Variants in LHFPL3 observed in about 807,000 individuals in gnomAD.
The protein encoded by LHFPL3 is LHFPL tetraspan subfamily member 3 protein.
LHFPL3 carries 5 observed loss-of-function variants against 19.3 expected under a neutral mutation model. That is an observed-to-expected ratio of 0.26 (90% confidence interval 0.14 to 0.54). The LOEUF (loss-of-function observed/expected upper bound fraction) is 0.54, where lower values mean the gene tolerates loss of function less well. LHFPL3 is among the 20% of genes least tolerant of loss of function. The pLI is 0.94. For missense variants in LHFPL3, 249 were observed against 307.4 expected, an observed-to-expected ratio of 0.81 and a Z score of 1.42; for synonymous variants, 133 against 126.2, an observed-to-expected ratio of 1.05 and a Z score of -0.36.
At chr7:104,869,737 C>T (rs1312042664) in intron 2 of LHFPL3, among the ~76,000 whole-genome samples, 2 of 152,204 alleles carry the variant, frequency 1.3e-5, no homozygotes, top group Non-Finnish European at 2.9e-5. Flanking sequence ...CATGCCATTA[C>T]TGGGTACATA....
At chr7:104,663,091 A>G (rs1584467517) in intron 1 of LHFPL3, among the ~76,000 whole-genome samples, 1 of 152,244 alleles carries the variant, frequency 6.6e-6, no homozygotes, top group Non-Finnish European at 1.5e-5. Context: ...TTCACTATGT[A>G]AAATAAAACA....
chr7:104,907,160 T>C lies in LHFPL3; in HGVS notation c.*945T>C, dbSNP rs1416586205. 6.6e-6 allele frequency: 1 copy of C among 152,598 alleles called. No individual in the cohort carries two copies. Among genetic ancestry groups the C allele is most frequent in the African/African-American group, 2.4e-5 (1 of 41,460 alleles). The allele number at this position is 152,598 out of a possible 1,614,324, so 9.5% of individuals were successfully genotyped here. ...AATAAGTATCTAAAATGTCTCCTACTTTTTTCCTATTTCTTTGCCATACAT... is the reference window on the plus strand; with the variant it reads ...AATAAGTATCTAAAATGTCTCCTACCTTTTTCCTATTTCTTTGCCATACAT... On this transcript the variant is annotated 3_prime_UTR_variant, in exon 3 of 3. Coordinates refer to ENST00000424859, the MANE Select transcript of LHFPL3 (RefSeq NM_199000.3).
At chr7:104,640,235 C>T (rs1409712449) in intron 1 of LHFPL3, among the ~76,000 whole-genome samples, 4 of 152,170 alleles carry the variant, frequency 2.6e-5, no homozygotes, top group African/African-American at 9.7e-5. Flanking sequence ...TTAAGCTCTG[C>T]ATGCATTAGG....
At chr7:104,329,418 G>T (rs1256564639) in intron 1 of LHFPL3, among the ~76,000 whole-genome samples, 194 bp downstream of exon 1, 1 of 152,230 alleles carries the variant, frequency 6.6e-6, no homozygotes, top group Non-Finnish European at 1.5e-5. Flanking sequence ...CGGCGCTGGC[G>T]CCTCGTCCCG....
intron 1 of LHFPL3, among the ~76,000 whole-genome samples, chr7:104,573,216 C>T (rs905020779): frequency 9.9e-5 from 15 of 152,060 alleles, no homozygotes; most frequent in Admixed American, 7.9e-4. Flanking sequence ...AGTGCAAGAC[C>T]AGCCTGGCCA....
chr7:104,328,676 G>A lies in LHFPL3; in HGVS notation c.-104G>A. On this transcript the variant is annotated 5_prime_UTR_variant, in exon 1 of 3. Transcript: ENST00000424859. This position sits in a 1 kb window ranked among gnomAD's most constrained non-coding sequence, Gnocchi z 4.6. ...TGCTGCTGGGCTGAGGCGGAGGCAG[G>A]GGAGTTGCAGCGCGCGAGGCTCCGT... The A allele has an allele frequency of 2.1e-6, 2 of 972,496 alleles. No individual in the cohort carries two copies. Among genetic ancestry groups the A allele is most frequent in the Non-Finnish European group, 3.1e-6 (2 of 650,556 alleles). 60.2% of individuals were successfully genotyped at this position (972,496 alleles called of 1,614,324 possible). A position where few individuals can be genotyped will look rare whatever the true frequency, so the allele number is the denominator to read the frequency against.
At chr7:104,724,585 G>A (rs1244747131) in intron 1 of LHFPL3, among the ~76,000 whole-genome samples, 6 of 152,054 alleles carry the variant, frequency 3.9e-5, no homozygotes, top group East Asian at 1.9e-4. Flanking sequence ...ACAGTGGAAC[G>A]ACACACACTG....
chr7:104,559,580 G>A (rs1229561415), intron 1 of LHFPL3, among the ~76,000 whole-genome samples: 1 of 152,000 alleles, frequency 6.6e-6, no homozygotes, highest in Non-Finnish European at 1.5e-5. Context: ...GAGATTTTGG[G>A]CTGAGACGAT....
intron 1 of LHFPL3, among the ~76,000 whole-genome samples, chr7:104,638,491 G>C (rs999183144): frequency 6.6e-6 from 1 of 152,016 alleles, no homozygotes. Context: ...AATGCTTCCA[G>C]CTTTTCCCCA....
chr7:104,657,972 T>C (rs1251169715), intron 1 of LHFPL3, among the ~76,000 whole-genome samples: 1 of 151,964 alleles, frequency 6.6e-6, no homozygotes, highest in Non-Finnish European at 1.5e-5. Context: ...TATTTTTCCA[T>C]AGATACCAGC....
chr7:104,641,894 T>TG (rs1338957533), intron 1 of LHFPL3, among the ~76,000 whole-genome samples: 3 of 152,190 alleles, frequency 2.0e-5, no homozygotes, highest in Non-Finnish European at 4.4e-5. Context: ...TTTTCATGGA[T>TG]GTGATAGGTA....
rs187934396 is a variant in LHFPL3, at chr7:104,794,079, G to A, written c.682+57168G>A. Among the ~76,000 whole-genome samples, 872 of 152,060 alleles carry A rather than the reference G, an allele frequency of 5.7e-3. 3 individuals are homozygous for A. Among genetic ancestry groups the A allele is most frequent in the Non-Finnish European group, 9.3e-3 (629 of 67,998 alleles). ...ATTCACTGAACATACACGTATGATC[G>A]GCACACTTTTTCTTATATACTATAG... On this transcript the variant is annotated intron_variant, in intron 2 of 2. Coordinates refer to ENST00000424859, the MANE Select transcript of LHFPL3 (RefSeq NM_199000.3).
At chr7:104,475,595 CA>C (rs1792994160) in intron 1 of LHFPL3, among the ~76,000 whole-genome samples, 1 of 152,034 alleles carries the variant, frequency 6.6e-6, no homozygotes, top group South Asian at 2.1e-4. Context: ...ATTTTTTAAT[CA>C]CAATTAAAAA....
intron 1 of LHFPL3, among the ~76,000 whole-genome samples, chr7:104,507,031 T>G (rs930258375): frequency 4.6e-5 from 7 of 152,182 alleles, no homozygotes; most frequent in Non-Finnish European, 1.0e-4. Context: ...AAGAGAGAAC[T>G]GGTGTCTCTA....
At chr7:104,775,586 G>A (rs1366789838) in intron 2 of LHFPL3, among the ~76,000 whole-genome samples, 2 of 152,018 alleles carry the variant, frequency 1.3e-5, no homozygotes, top group East Asian at 1.9e-4. Flanking sequence ...AAACACTATA[G>A]AGAATATGGA....
At chr7:104,813,644 G>A (rs1191297936) in intron 2 of LHFPL3, among the ~76,000 whole-genome samples, 1 of 152,208 alleles carries the variant, frequency 6.6e-6, no homozygotes, top group Non-Finnish European at 1.5e-5. Context: ...CAGACATGCT[G>A]GCTGCTGCAG....
At chr7:104,396,869 C>A (rs917750680) in intron 1 of LHFPL3, among the ~76,000 whole-genome samples, 7 of 152,112 alleles carry the variant, frequency 4.6e-5, no homozygotes, top group African/African-American at 1.7e-4. Flanking sequence ...ACTCAGGAGG[C>A]TGAGGCTGGT....
intron 1 of LHFPL3, among the ~76,000 whole-genome samples, chr7:104,683,020 T>C (rs1792737856): frequency 6.6e-6 from 1 of 152,172 alleles, no homozygotes; most frequent in Admixed American, 6.5e-5. Context: ...GATGAAGTCT[T>C]GTTCTGTTGC....
rs563140219 is a variant in LHFPL3, at chr7:104,810,470, A to G, written c.682+73559A>G. Among the ~76,000 whole-genome samples, 7 of 152,300 alleles carry G rather than the reference A, an allele frequency of 4.6e-5. No homozygotes were observed. In the South Asian group the frequency reaches 1.5e-3, roughly 32 times the overall value. On this transcript the variant is annotated intron_variant, in intron 2 of 2. Transcript: ENST00000424859. ...AGAGGTTTCAGAGGTAGAACTCACAAGAACTGAGGAGAGAGGGTCATTCTC... is the reference window on the plus strand; with the variant it reads ...AGAGGTTTCAGAGGTAGAACTCACAGGAACTGAGGAGAGAGGGTCATTCTC...
Sources: gnomAD v4.1 joint callset for allele counts (sites outside exome capture counted in the v4.1 genomes callset) on GRCh38, gnomAD v4.1.1 for gene constraint, Gnocchi (gnomAD v3.1) non-coding constraint, MANE v1.5 for transcripts, NCBI Gene and HGNC (gene_info 2026-07-23, HGNC 2026-07-21) for gene names.